Variants in DTHD1 observed in about 807,000 individuals in gnomAD.
The protein encoded by DTHD1 is death domain-containing protein 1.
DTHD1 carries 59 observed loss-of-function variants against 74.8 expected under a neutral mutation model. The ratio of observed to expected loss-of-function variants is 0.79; its 90% CI spans 0.64 to 0.98. DTHD1 has a LOEUF of 0.98. Ranked by LOEUF, DTHD1 falls within the 50% of genes least tolerant of loss-of-function variation. The pLI, the probability that DTHD1 is intolerant of heterozygous loss-of-function variation, is 0.00. For missense variants in DTHD1, 1,051 were observed against 1,065.4 expected, an observed-to-expected ratio of 0.99 and a Z score of 0.19; for synonymous variants, 365 against 371.1, an observed-to-expected ratio of 0.98 and a Z score of 0.19.
chr4:36,307,262 G>C (rs754581336), intron 6 of DTHD1, among the ~76,000 whole-genome samples: 2 of 152,214 alleles, frequency 1.3e-5, no homozygotes, highest in Non-Finnish European at 2.9e-5. Context: ...TTGTTTCACA[G>C]TTCTGGAGGC....
At chr4:36,293,839 TAATA>T (rs1756234125) in intron 4 of DTHD1, 134 bp downstream of exon 4, 1 of 626,218 alleles carries the variant, frequency 1.6e-6, no homozygotes, top group Non-Finnish European at 2.5e-6. Context: ...TGTAACGGCC[TAATA>T]TATAGTGATA....
intron 2 of DTHD1, among the ~76,000 whole-genome samples, chr4:36,290,152 C>G (rs1240707873): frequency 6.6e-6 from 1 of 152,064 alleles, no homozygotes; most frequent in East Asian, 1.9e-4. Context: ...TCATTTAATT[C>G]AATTCATACT....
At chr4:36,308,771 T>C (rs1296187188) in intron 7 of DTHD1, among the ~76,000 whole-genome samples, 1 of 152,240 alleles carries the variant, frequency 6.6e-6, no homozygotes, top group African/African-American at 2.4e-5. Context: ...GCTAGGATTA[T>C]CTCTTTCCTA....
intron 8 of DTHD1, among the ~76,000 whole-genome samples, chr4:36,328,961 A>G (rs1040706382): frequency 2.0e-5 from 3 of 152,226 alleles, no homozygotes; most frequent in Non-Finnish European, 4.4e-5. Flanking sequence ...TATCTCAGTC[A>G]GTTAGAGACT....
chr4:36,305,303 T>C (rs79618938), intron 5 of DTHD1, among the ~76,000 whole-genome samples: 12,286 of 152,222 alleles, frequency 0.081, 658 homozygotes, highest in East Asian at 0.21. Flanking sequence ...AGAGGTTTAA[T>C]GGACTCACAG....
At chr4:36,307,024 G>C (rs551715293) in intron 6 of DTHD1, among the ~76,000 whole-genome samples, 1 of 152,150 alleles carries the variant, frequency 6.6e-6, no homozygotes, top group East Asian at 1.9e-4. Context: ...GACACGCTCC[G>C]GGGAGCTCTG....
chr4:36,290,740 T>A, intron 3 of DTHD1, 37 bp downstream of exon 3: 1 of 1,445,696 alleles, frequency 6.9e-7, no homozygotes, highest in Non-Finnish European at 9.3e-7. Context: ...ATTTGCTGTT[T>A]GGCTCCTCTT....
At position 36,308,404 on chromosome 4, in the gene DTHD1, T is replaced by C. The variant is rs775716091; in HGVS notation, c.2006T>C (p.Phe669Ser). The C allele has an allele frequency of 2.1e-5, 33 of 1,551,756 alleles. No individual in the cohort carries two copies. Among genetic ancestry groups the C allele is most frequent in the Non-Finnish European group, 2.8e-5 (32 of 1,147,018 alleles). ...QVLKDLHLEGFGGPPEPSRHF... is the reference protein window; with the variant it reads ...QVLKDLHLEGSGGPPEPSRHF... ...CTTAAGGACCTGCACTTGGAAGGGT[T>C]TGGAGGACCTCCAGAGCCATCTCGT... Residue 669 changes from phenylalanine to serine, a missense_variant, in exon 7 of 10, where the codon TTT becomes TCT. Coordinates refer to ENST00000639862, the MANE Select transcript of DTHD1 (RefSeq NM_001170700.3).
chr4:36,343,621 A>G lies in DTHD1; in HGVS notation c.2518A>G (p.Asn840Asp), dbSNP rs1406567270. 7 of 1,551,760 alleles carry G rather than the reference A, an allele frequency of 4.5e-6. No individual in the cohort carries two copies. The East Asian group carries it at 1.7e-4, about 38-fold the overall frequency. ...RSTIQLIKLK[N>D]PDDLTEQIHE... ...CACCATTCAGCTCATCAAACTCAAGAACCCTGATGATCTCACAGAACAGAT... is the reference window on the plus strand; with the variant it reads ...CACCATTCAGCTCATCAAACTCAAGGACCCTGATGATCTCACAGAACAGAT... Residue 840 changes from asparagine (N) to aspartate (D), a missense_variant, in exon 10 of 10, where the codon AAC becomes GAC. Physicochemically the swap from Asn to Asp is conservative, Grantham distance 23. Coordinates refer to ENST00000639862, the MANE Select transcript of DTHD1 (RefSeq NM_001170700.3).
At chr4:36,282,467 C>T (rs909814708) in intron 1 of DTHD1, among the ~76,000 whole-genome samples, 3 of 152,088 alleles carry the variant, frequency 2.0e-5, no homozygotes, top group Admixed American at 2.0e-4. Context: ...AGTATTCTAT[C>T]TCTAGGGTCA....
intron 8 of DTHD1, among the ~76,000 whole-genome samples, chr4:36,322,915 A>C (rs990233036): frequency 1.3e-5 from 2 of 152,206 alleles, no homozygotes; most frequent in African/African-American, 4.8e-5. Flanking sequence ...AGTGGAGAGA[A>C]TATTTTGTGC....
At chr4:36,288,245 C>T (rs1755836857) in intron 2 of DTHD1, among the ~76,000 whole-genome samples, 3 of 151,946 alleles carry the variant, frequency 2.0e-5, no homozygotes, top group Admixed American at 6.6e-5. Flanking sequence ...ACTACAGGCG[C>T]CCACCAGCAT....
Position 36,308,232 on chromosome 4 carries a change from A to G in DTHD1, c.1834A>G (p.Met612Val), listed in dbSNP as rs140254738. The G allele has an allele frequency of 1.3e-6, 2 of 1,552,354 alleles. No individual in the cohort carries two copies. Among genetic ancestry groups the G allele is most frequent in the East Asian group, 4.9e-5 (2 of 40,926 alleles). ...RFIVLHLSST[M>V]DNSHLVTFVK... ...TATTGTACTTCACCTCTCTTCCACC[A>G]TGGACAATAGTCATTTGGTTACTTT... Residue 612 changes from methionine (M) to valine (V), a missense_variant, in exon 7 of 10, where the codon ATG becomes GTG. Physicochemically the swap from Met to Val is conservative, Grantham distance 21 (BLOSUM62 1). Coordinates refer to ENST00000639862, the MANE Select transcript of DTHD1 (RefSeq NM_001170700.3).
At chr4:36,319,164 T>C (rs1757920038) in intron 8 of DTHD1, among the ~76,000 whole-genome samples, 1 of 152,358 alleles carries the variant, frequency 6.6e-6, no homozygotes, top group African/African-American at 2.4e-5. Context: ...ATGTATTTTC[T>C]ATTTTCCTTT....
chr4:36,328,863 T>C (rs1758507012), intron 8 of DTHD1, among the ~76,000 whole-genome samples: 1 of 152,248 alleles, frequency 6.6e-6, no homozygotes. Context: ...AGTTGATTTG[T>C]TCAAAAACAA....
chr4:36,308,351 G>A lies in DTHD1; in HGVS notation c.1953G>A (p.Val651=), dbSNP rs1441989347. 6.4e-7 allele frequency: 1 copy of A among 1,551,820 alleles called. No individual in the cohort carries two copies. Among genetic ancestry groups the A allele is most frequent in the Admixed American group, 2.0e-5 (1 of 50,998 alleles). Residue 651 remains valine, a synonymous_variant, in exon 7 of 10, where the codon GTG becomes GTA. Coordinates refer to ENST00000639862, the MANE Select transcript of DTHD1 (RefSeq NM_001170700.3). The stretch of plus-strand genomic sequence containing the variant: ...ATCCACATAGAATAGCTGTTTTAGT[G>A]GTGCCTTCCAAAGATTTAAGCCAGG... ...KDNPHRIAVL[V]VPSKDLSQVL...
intron 8 of DTHD1, 26 bp downstream of exon 8, chr4:36,316,512 C>T (rs1281834668): frequency 6.5e-7 from 1 of 1,528,980 alleles, no homozygotes; most frequent in Admixed American, 2.1e-5. Flanking sequence ...TTTCTAATTA[C>T]TACATTTTGT....
Position 36,343,865 on chromosome 4 carries a change from C to T in DTHD1, c.*41C>T, listed in dbSNP as rs1221889689. On this transcript the variant is annotated 3_prime_UTR_variant, in exon 10 of 10. Transcript: ENST00000639862. Reference sequence around the variant, plus strand: ...TCCTTTACCCCTAGGAAAAGGCACACGGTGGGTTTTTGTTTCTGTCAACAT... The same window carrying T: ...TCCTTTACCCCTAGGAAAAGGCACATGGTGGGTTTTTGTTTCTGTCAACAT... The T allele has an allele frequency of 2.7e-6, 4 of 1,473,414 alleles. No homozygotes were observed. The highest frequency in any genetic ancestry group is 5.0e-5 in the East Asian group (2 of 40,234). 91.3% of individuals were successfully genotyped at this position (1,473,414 alleles called of 1,614,324 possible).
At chr4:36,335,123 A>G (rs1578493476) in intron 8 of DTHD1, among the ~76,000 whole-genome samples, 1 of 152,246 alleles carries the variant, frequency 6.6e-6, no homozygotes, top group East Asian at 1.9e-4. Flanking sequence ...AAACTAATTT[A>G]TAAAAGAGGT....
Sources: gnomAD v4.1 joint callset for allele counts (sites outside exome capture counted in the v4.1 genomes callset) on GRCh38, gnomAD v4.1.1 for gene constraint, MANE v1.5 for transcripts, NCBI Gene and HGNC (gene_info 2026-07-23, HGNC 2026-07-21) for gene names.